The following FGD4 variants were observed in gnomAD, a reference collection of about 807,000 sequenced individuals.
FGD4 encodes FYVE, RhoGEF and PH domain containing 4.
Under a neutral mutation model 102.0 loss-of-function variants are expected in FGD4, and 42 were observed. That is an observed-to-expected ratio of 0.41 (90% CI 0.32 to 0.53). The LOEUF is 0.53. FGD4 is among the 20% of genes least tolerant of loss of function. The pLI, the probability that FGD4 is intolerant of heterozygous loss-of-function variation, is 0.21. For synonymous variants in FGD4, 380 were observed against 375.7 expected (o/e 1.01, Z -0.13); for missense variants, 902 against 1,078.2 (o/e 0.84, Z 2.29).
At chr12:32,551,858 G>A (rs1220052554) in intron 1 of FGD4, among the ~76,000 whole-genome samples, 6 of 152,102 alleles carry the variant, frequency 3.9e-5, no homozygotes, top group East Asian at 3.8e-4. Flanking sequence ...AGGCTCTGGC[G>A]AAAAAATGTG....
chr12:32,400,576 A>T (rs1237918666), intron 1 of FGD4, among the ~76,000 whole-genome samples: 2 of 152,244 alleles, frequency 1.3e-5, no homozygotes, highest in Non-Finnish European at 2.9e-5. Flanking sequence ...ATCTTAAAGA[A>T]GTCCTCAAGG....
chr12:32,499,863 A>C (rs1463438708), intron 1 of FGD4, among the ~76,000 whole-genome samples: 1 of 152,114 alleles, frequency 6.6e-6, no homozygotes, highest in Non-Finnish European at 1.5e-5. Flanking sequence ...TAAAAATACA[A>C]AAAAATTAGC....
chr12:32,556,247 T>A (rs1555202341), intron 1 of FGD4, among the ~76,000 whole-genome samples: 1 of 152,190 alleles, frequency 6.6e-6, no homozygotes, highest in Non-Finnish European at 1.5e-5. Context: ...GGGTATGCTT[T>A]AAAATTTTTT....
intron 15 of FGD4, among the ~76,000 whole-genome samples, chr12:32,636,707 AT>A (rs112127814): frequency 0.48 from 72,895 of 151,662 alleles, 18,055 homozygotes; most frequent in Middle Eastern, 0.62. Context: ...AACTGGTAAC[AT>A]AAACCATTTG....
intron 1 of FGD4, among the ~76,000 whole-genome samples, chr12:32,521,294 T>C (rs1189282259): frequency 6.8e-6 from 1 of 146,434 alleles, no homozygotes; most frequent in Non-Finnish European, 1.5e-5. Context: ...GAGAATTGCT[T>C]GAACCAGGGA....
intron 10 of FGD4, among the ~76,000 whole-genome samples, chr12:32,611,516 G>A (rs1307072142): frequency 2.0e-5 from 3 of 152,130 alleles, no homozygotes; most frequent in African/African-American, 4.8e-5. Context: ...CTTGAACCTG[G>A]GAAGTGAGCT....
chr12:32,563,160 C>T (rs1256500870), intron 1 of FGD4, among the ~76,000 whole-genome samples: 1 of 152,002 alleles, frequency 6.6e-6, no homozygotes, highest in Non-Finnish European at 1.5e-5. Context: ...ACCTCCCTCC[C>T]GGATGGGGTG....
intron 1 of FGD4, chr12:32,486,090 T>C (rs1308420645): frequency 1.3e-6 from 2 of 1,525,062 alleles, no homozygotes; most frequent in South Asian, 1.2e-5. Flanking sequence ...AAGCAGGAAA[T>C]AGGTTAATCA....
intron 4 of FGD4, among the ~76,000 whole-genome samples, chr12:32,588,996 T>C (rs2136497045): frequency 6.6e-6 from 1 of 152,330 alleles, no homozygotes; most frequent in South Asian, 2.1e-4. Flanking sequence ...TCCTCTAGAT[T>C]TGAATCCCAC....
intron 1 of FGD4, among the ~76,000 whole-genome samples, chr12:32,563,321 C>T (rs1205269521): frequency 2.0e-5 from 3 of 147,608 alleles, no homozygotes; most frequent in African/African-American, 5.0e-5. Context: ...ACCTCCCAGA[C>T]GGGGTCGCGG....
At chr12:32,605,847 G>A (rs555827656) in intron 7 of FGD4, among the ~76,000 whole-genome samples, 5 of 152,290 alleles carry the variant, frequency 3.3e-5, no homozygotes, top group South Asian at 2.1e-4. Flanking sequence ...ATTGCTTAGC[G>A]TAGTGCTTGT....
At chr12:32,468,197 C>T (rs1342796451) in intron 1 of FGD4, among the ~76,000 whole-genome samples, 1 of 152,010 alleles carries the variant, frequency 6.6e-6, no homozygotes, top group Non-Finnish European at 1.5e-5. Flanking sequence ...GTGTGCCTCA[C>T]TATGCCCAGC....
intron 7 of FGD4, 108 bp from the exon 8 acceptor site, chr12:32,607,849 C>T (rs1460384796): frequency 1.7e-6 from 2 of 1,206,276 alleles, no homozygotes; most frequent in Middle Eastern, 2.3e-4. Flanking sequence ...TGGACAGTCA[C>T]ACTTTGTCGA....
intron 1 of FGD4, among the ~76,000 whole-genome samples, chr12:32,453,209 T>TA (rs1254493783): frequency 2.0e-5 from 1 of 48,842 alleles, no homozygotes; most frequent in Non-Finnish European, 5.7e-5. Context: ...ATTATATATA[T>TA]ATATATATAT....
At chr12:32,530,270 G>A (rs992875171) in intron 1 of FGD4, among the ~76,000 whole-genome samples, 6 of 152,172 alleles carry the variant, frequency 3.9e-5, no homozygotes, top group Admixed American at 3.3e-4. Flanking sequence ...ATCACTCAAT[G>A]TCAGAAGTTT....
intron 1 of FGD4, among the ~76,000 whole-genome samples, chr12:32,474,741 CA>C (rs1943542949): frequency 6.6e-6 from 1 of 151,866 alleles, no homozygotes; most frequent in Non-Finnish European, 1.5e-5. Context: ...GAAATTTCTA[CA>C]AAAAATACAA....
At chr12:32,410,611 A>G (rs1941165383) in intron 1 of FGD4, among the ~76,000 whole-genome samples, 1 of 152,208 alleles carries the variant, frequency 6.6e-6, no homozygotes, top group Non-Finnish European at 1.5e-5. Flanking sequence ...CCCACAGTCA[A>G]CTTTGTATTA....
In FGD4 at chr12:32,576,368, T is replaced by C. The variant is rs761554382; in HGVS notation, c.422T>C (p.Ile141Thr). 1 of 1,614,122 alleles carries C rather than the reference T, an allele frequency of 6.2e-7. No homozygotes were observed. The highest frequency in any genetic ancestry group is 1.1e-5 in the South Asian group (1 of 91,082). The change falls in exon 3 of 17, where the codon ATT (isoleucine) becomes ACT (threonine). Residue 141 changes from isoleucine to threonine, a missense_variant. By Grantham distance (89) the Ile-to-Thr change is moderately conservative. Transcript: ENST00000534526. ...LPSAKPRMEEIKPASASCVSK... is the reference protein window; with the variant it reads ...LPSAKPRMEETKPASASCVSK... The stretch of plus-strand genomic sequence containing the variant: ...AGTGCAAAACCAAGGATGGAGGAAA[T>C]TAAACCTGCCTCTGCTTCTTGTGTC...
At chr12:32,553,979 C>G (rs139672797) in intron 1 of FGD4, among the ~76,000 whole-genome samples, 206 of 152,202 alleles carry the variant, frequency 1.4e-3, no homozygotes, top group African/African-American at 4.8e-3. Context: ...GTAGTCACAG[C>G]TACTCAGGAG....
Sources: gnomAD v4.1 joint callset for allele counts (sites outside exome capture counted in the v4.1 genomes callset) on GRCh38, gnomAD v4.1.1 for gene constraint, MANE v1.5 for transcripts, NCBI Gene and HGNC (gene_info 2026-07-23, HGNC 2026-07-21) for gene names.